Variants in RAB1A observed in about 807,000 individuals in gnomAD.
RAB1A encodes ras-related protein Rab-1A.
Under a neutral mutation model 26.0 loss-of-function variants are expected in RAB1A, and 2 were observed. The observed-to-expected ratio is 0.08, with a 90% CI of 0.03 to 0.24. RAB1A has a LOEUF of 0.24. RAB1A is among the 10% of genes least tolerant of loss of function. The pLI is 1.00. For missense variants in RAB1A, 100 were observed against 247.0 expected, an observed-to-expected ratio of 0.40 and a Z score of 3.99; for synonymous variants, 84 against 84.9, an observed-to-expected ratio of 0.99 and a Z score of 0.06.
chr2:65,097,022 C>T (rs576386828), intron 3 of RAB1A, among the ~76,000 whole-genome samples: 38 of 152,258 alleles, frequency 2.5e-4, no homozygotes, highest in African/African-American at 7.9e-4. Flanking sequence ...GCCTTTTCCC[C>T]AGAGACACAA....
At chr2:65,108,420 T>C (rs1204950224) in intron 1 of RAB1A, among the ~76,000 whole-genome samples, 1 of 151,956 alleles carries the variant, frequency 6.6e-6, no homozygotes, top group Non-Finnish European at 1.5e-5. Context: ...AGTTACATTA[T>C]GGTTTCAAGA....
intron 1 of RAB1A, among the ~76,000 whole-genome samples, chr2:65,112,977 G>T (rs56725299): frequency 2.0e-5 from 3 of 152,058 alleles, no homozygotes; most frequent in African/African-American, 7.2e-5. Context: ...GGGAGGCTGA[G>T]GCTGGAGGAT....
chr2:65,120,724 C>T (rs1465506291), intron 1 of RAB1A, among the ~76,000 whole-genome samples: 2 of 152,014 alleles, frequency 1.3e-5, no homozygotes, highest in East Asian at 1.9e-4. Flanking sequence ...AGTATGGCTA[C>T]ACGACCATAA....
rs74896153 is a variant in RAB1A at position 65,095,344 on chromosome 2, C to T, written c.192+2627G>A. Among the ~76,000 whole-genome samples, 1,103 of 151,662 alleles carry T rather than the reference C, an allele frequency of 7.3e-3. 14 individuals carry two copies. The highest frequency in any genetic ancestry group is 0.025 in the African/African-American group (1,054 of 41,358). On this transcript the variant is annotated intron_variant, in intron 3 of 5. Coordinates refer to ENST00000409784, the MANE Select transcript of RAB1A (RefSeq NM_004161.5). Reference sequence around the variant, plus strand: ...AACCACGACGCCCGGACAGCCACTGCGCCCAGCCTTATTTTGTTTTTGAGA... The same window carrying T: ...AACCACGACGCCCGGACAGCCACTGTGCCCAGCCTTATTTTGTTTTTGAGA...
intron 3 of RAB1A, among the ~76,000 whole-genome samples, chr2:65,092,264 CA>C (rs1405477985): frequency 7.1e-6 from 1 of 140,206 alleles, no homozygotes; most frequent in East Asian, 2.2e-4. Flanking sequence ...GATCCTGTCT[CA>C]AAAAAAGAGA....
At chr2:65,104,863 T>C (rs778039195) in intron 1 of RAB1A, 57 bp from the exon 2 acceptor site, 1 of 1,332,278 alleles carries the variant, frequency 7.5e-7, no homozygotes, top group South Asian at 1.2e-5. Flanking sequence ...TGCTATAAGC[T>C]ATACAAAAAC....
intron 2 of RAB1A, 87 bp from the exon 3 acceptor site, chr2:65,098,153 G>C: frequency 1.4e-6 from 1 of 720,792 alleles, no homozygotes. Flanking sequence ...TGTTGTTCAA[G>C]AGTAAATAAA....
At position 65,117,713 on chromosome 2, in the gene RAB1A, C is replaced by T. The variant is rs192272324; in HGVS notation, c.23+12180G>A. On this transcript the variant is annotated intron_variant, in intron 1 of 5. Transcript: ENST00000409784. The stretch of plus-strand genomic sequence containing the variant: ...TCCTGAGTAGCTGGGACCACAGGCG[C>T]GTGCCACCACGTCCAGCTAGTTTTT... Among the ~76,000 whole-genome samples the T allele has an allele frequency of 4.2e-3, 626 of 148,022 alleles. 5 individuals are homozygous for T. Among genetic ancestry groups the T allele is most frequent in the Non-Finnish European group, 4.8e-3 (325 of 67,468 alleles).
At position 65,093,048 on chromosome 2, in the gene RAB1A, C is replaced by CT. The variant is rs529667752; in HGVS notation, c.193-1971dup. On this transcript the variant is annotated intron_variant, in intron 3 of 5. Transcript: ENST00000409784. The stretch of plus-strand genomic sequence containing the variant: ...ATGCAGAACTATGAGTCAATTAAAC[C>CT]TTTTTTTTAATAAATCACCCAGTTT... Among the ~76,000 whole-genome samples the CT allele has an allele frequency of 3.3e-5, 5 of 152,016 alleles. No individual in the cohort carries two copies. In the South Asian group the frequency reaches 6.2e-4, roughly 19 times the overall value.
chr2:65,114,028 G>C, intron 1 of RAB1A: 2 of 308,700 alleles, frequency 6.5e-6, no homozygotes, highest in Admixed American at 3.6e-5. Context: ...TGTCAGCACA[G>C]CACACCTATC....
intron 1 of RAB1A, among the ~76,000 whole-genome samples, chr2:65,129,675 C>T (rs971358031): frequency 1.3e-5 from 2 of 152,006 alleles, no homozygotes; most frequent in African/African-American, 2.4e-5. Context: ...CCGGTCCAGG[C>T]CCGGGCGGCT....
At position 65,121,231 on chromosome 2, in the gene RAB1A, T is replaced by C. The variant is rs547681504; in HGVS notation, c.23+8662A>G. ...GCCTGGGAGACAGAGCTAGATCATG[T>C]CTCGAAAAAAAAAAAAAAAAAAACC... On this transcript the variant is annotated intron_variant, in intron 1 of 5. Transcript: ENST00000409784. 2.0e-4 allele frequency among the ~76,000 whole-genome samples: 21 copies of C among 106,226 alleles called. 1 individual carries two copies. The South Asian group carries it at 6.6e-3, about 33-fold the overall frequency. The allele number at this position is 106,226 out of a possible 152,430, so 69.7% of individuals were successfully genotyped here.
At chr2:65,123,783 G>T (rs749902762) in intron 1 of RAB1A, among the ~76,000 whole-genome samples, 3 of 151,402 alleles carry the variant, frequency 2.0e-5, no homozygotes, top group Non-Finnish European at 4.4e-5. Context: ...CCGAGATCAC[G>T]CCAACGCACT....
chr2:65,129,210 A>C (rs994602704), intron 1 of RAB1A, among the ~76,000 whole-genome samples: 6 of 151,782 alleles, frequency 4.0e-5, no homozygotes, highest in South Asian at 4.2e-4. Context: ...AAAAAAAAAA[A>C]AACAAAATTC....
At position 65,088,577 on chromosome 2, in the gene RAB1A, G is replaced by C. The variant is rs2227268; in HGVS notation, c.534C>G (p.Pro178=). 2 of 1,613,562 alleles carry C rather than the reference G, an allele frequency of 1.2e-6. No individual in the cohort carries two copies. The highest frequency in any genetic ancestry group is 4.5e-5 in the East Asian group (2 of 44,862). The change falls in exon 6 of 6, where the codon CCC becomes CCG. Residue 178 remains proline, a synonymous_variant. Coordinates refer to ENST00000409784, the MANE Select transcript of RAB1A (RefSeq NM_004161.5). ...TCTCAGCACCACCAGCTGTTGCTCC[G>C]GGACCCATTCGCTTTTTAATCTCAG... ...MAAEIKKRMG[P]GATAGGAEKS...
intron 1 of RAB1A, chr2:65,114,117 C>T (rs565765605): frequency 1.5e-5 from 7 of 467,316 alleles, no homozygotes; most frequent in African/African-American, 6.1e-5. Context: ...AATACAGCCA[C>T]AAGTATATGA....
chr2:65,114,824 C>T (rs958975338), intron 1 of RAB1A, among the ~76,000 whole-genome samples: 10 of 151,036 alleles, frequency 6.6e-5, no homozygotes, highest in Non-Finnish European at 1.0e-4. Context: ...CGCAGTCCGG[C>T]CTGGGCAACA....
intron 1 of RAB1A, among the ~76,000 whole-genome samples, chr2:65,128,127 T>C (rs1174550689): frequency 1.3e-5 from 2 of 152,150 alleles, no homozygotes; most frequent in East Asian, 3.8e-4. Flanking sequence ...ACCTGAAGAA[T>C]GCTCACACGG....
At chr2:65,101,383 C>T (rs1046147082) in intron 2 of RAB1A, among the ~76,000 whole-genome samples, 1 of 152,156 alleles carries the variant, frequency 6.6e-6, no homozygotes, top group South Asian at 2.1e-4. Flanking sequence ...ATAGATTCTT[C>T]CCTCTGTGCC....
Sources: gnomAD v4.1 joint callset for allele counts (sites outside exome capture counted in the v4.1 genomes callset) on GRCh38, gnomAD v4.1.1 for gene constraint, MANE v1.5 for transcripts, NCBI Gene and HGNC (gene_info 2026-07-23, HGNC 2026-07-21) for gene names.